The following SLC8A2 variants were observed in gnomAD, a reference collection of about 807,000 sequenced individuals.
SLC8A2 encodes the protein solute carrier family 8 member A2.
SLC8A2 carries 14 observed loss-of-function variants against 70.2 expected under a neutral mutation model. That is an observed-to-expected ratio of 0.20 (90% CI 0.13 to 0.31). The LOEUF (loss-of-function observed/expected upper bound fraction) is 0.31. Among genes scored for constraint, SLC8A2 ranks in the 10% least tolerant of loss-of-function variants. The pLI is 1.00. For missense variants in SLC8A2, 779 were observed against 1,320.1 expected (o/e 0.59, Z 6.35); for synonymous variants, 575 against 594.3 (o/e 0.97, Z 0.47).
Position 47,432,063 on chromosome 19 carries a change from A to G in SLC8A2, c.2389+104T>C, listed in dbSNP as rs1232452952. 4 of 1,122,780 alleles carry G rather than the reference A, an allele frequency of 3.6e-6. No homozygotes were observed. The highest frequency in any genetic ancestry group is 2.5e-5 in the East Asian group (1 of 39,380). 69.6% of individuals were successfully genotyped at this position (1,122,780 alleles called of 1,614,324 possible). ...TCCGTATTTCTCTGAGACCCACCAC[A>G]TGGGCGCTGTGTGACTCCACCCACC... is the stretch of plus-strand genomic sequence containing the variant. On this transcript the variant is annotated intron_variant, in intron 9 of 9. Coordinates refer to ENST00000236877, the MANE Select transcript of SLC8A2 (RefSeq NM_015063.3). The surrounding 1 kb of genome is among the most constrained non-coding windows in gnomAD (Gnocchi z 6.2).
At position 47,457,577 on chromosome 19, in the gene SLC8A2, C is replaced by G; in HGVS notation, c.693G>C (p.Leu231=). The stretch of plus-strand genomic sequence containing the variant: ...CGCACACCGGGAAGAAGACCAGGGT[C>G]AGCAGCGCCTCCCACACCTGCGGGC... ...PGVVQVWEAL[L]TLVFFPVCVV... Residue 231 remains leucine, a synonymous_variant, in exon 3 of 10, where the codon CTG becomes CTC. Transcript: ENST00000236877. The G allele has an allele frequency of 3.8e-6, 6 of 1,567,958 alleles. No individual in the cohort carries two copies. The highest frequency in any genetic ancestry group is 5.2e-6 in the Non-Finnish European group (6 of 1,157,170).
At chr19:47,456,071 G>T (rs1461421492) in intron 3 of SLC8A2, among the ~76,000 whole-genome samples, 1 of 152,178 alleles carries the variant, frequency 6.6e-6, no homozygotes, top group Non-Finnish European at 1.5e-5. Flanking sequence ...TGTTCCCATG[G>T]TACACCCATT....
intron 7 of SLC8A2, 142 bp downstream of exon 7, chr19:47,437,707 G>A (rs1385722162): frequency 1.0e-5 from 12 of 1,171,226 alleles, no homozygotes; most frequent in Non-Finnish European, 1.5e-5. Flanking sequence ...CAAGGAAAAG[G>A]GAGGCATGTG....
chr19:47,444,195 G>A (rs955556722), intron 4 of SLC8A2, among the ~76,000 whole-genome samples: 2 of 151,996 alleles, frequency 1.3e-5, no homozygotes, highest in East Asian at 1.9e-4. Context: ...CACCTGGCCC[G>A]CCCTTCTTTA....
At position 47,432,509 on chromosome 19, in the gene SLC8A2, A is replaced by C; in HGVS notation, c.2111-64T>G. On this transcript the variant is annotated intron_variant, in intron 8 of 9. Transcript: ENST00000236877. This position sits in a 1 kb window ranked among gnomAD's most constrained non-coding sequence, Gnocchi z 6.2. Reference sequence around the variant, plus strand: ...TTCCTTCCTTGCCTACAGAGGCCCCATTTTGTCTAACTTCCTGACAGCAAG... The same window carrying C: ...TTCCTTCCTTGCCTACAGAGGCCCCCTTTTGTCTAACTTCCTGACAGCAAG... 1 of 1,472,280 alleles carries C rather than the reference A, an allele frequency of 6.8e-7. No homozygotes were observed. Among genetic ancestry groups the C allele is most frequent in the Non-Finnish European group, 9.1e-7 (1 of 1,104,010 alleles). The allele number at this position is 1,472,280 out of a possible 1,614,324, so 91.2% of individuals were successfully genotyped here.
At position 47,429,869 on chromosome 19, in the gene SLC8A2, A is replaced by C; in HGVS notation, c.*220T>G. On this transcript the variant is annotated 3_prime_UTR_variant, in exon 10 of 10. Coordinates refer to ENST00000236877, the MANE Select transcript of SLC8A2 (RefSeq NM_015063.3). ...GATGGGCTGGAGTTGGGGTCACCGC[A>C]GGGGAGGAACCGGGGAGGCTCCCGA... The C allele has an allele frequency of 8.4e-6, 5 of 594,582 alleles. No individual in the cohort carries two copies. Among genetic ancestry groups the C allele is most frequent in the Non-Finnish European group, 1.5e-5 (5 of 337,458 alleles). 36.8% of individuals were successfully genotyped at this position (594,582 alleles called of 1,614,324 possible).
At chr19:47,439,099 C>T (rs921692796) in intron 6 of SLC8A2, among the ~76,000 whole-genome samples, 2 of 152,076 alleles carry the variant, frequency 1.3e-5, no homozygotes, top group Admixed American at 6.6e-5. Flanking sequence ...ATGTGAGCCT[C>T]GAAACTCTCT....
chr19:47,432,526 G>T lies in SLC8A2; in HGVS notation c.2111-81C>A. 1.5e-6 allele frequency: 2 copies of T among 1,374,566 alleles called. No individual in the cohort carries two copies. Among genetic ancestry groups the T allele is most frequent in the South Asian group, 1.4e-5 (1 of 72,100 alleles). 85.1% of individuals were successfully genotyped at this position (1,374,566 alleles called of 1,614,324 possible). ...GAGGCCCCATTTTGTCTAACTTCCTGACAGCAAGTCCCATTGAATGAACTT... is the reference window on the plus strand; with the variant it reads ...GAGGCCCCATTTTGTCTAACTTCCTTACAGCAAGTCCCATTGAATGAACTT... On this transcript the variant is annotated intron_variant, in intron 8 of 9. Transcript: ENST00000236877. This position sits in a 1 kb window ranked among gnomAD's most constrained non-coding sequence, Gnocchi z 6.2.
rs907515428 is a variant in SLC8A2 at position 47,465,084 on chromosome 19, T to C, written c.675+645A>G. On this transcript the variant is annotated intron_variant, in intron 2 of 9. Coordinates refer to ENST00000236877, the MANE Select transcript of SLC8A2 (RefSeq NM_015063.3). The surrounding 1 kb of genome is among the most constrained non-coding windows in gnomAD (Gnocchi z 5.5). ...TTATCCCAACATCAGAAATTGATGA[T>C]GAATAATGAATGAATTATGCAAACC... Among the ~76,000 whole-genome samples the C allele has an allele frequency of 2.0e-5, 3 of 152,142 alleles. No individual in the cohort carries two copies. The highest frequency in any genetic ancestry group is 6.5e-5 in the Admixed American group (1 of 15,272).
At chr19:47,458,826 C>T (rs1328339750) in intron 2 of SLC8A2, among the ~76,000 whole-genome samples, 1 of 149,966 alleles carries the variant, frequency 6.7e-6, no homozygotes, top group African/African-American at 2.5e-5. Context: ...CCGTTTCTCT[C>T]TCTCCTTTCC....
intron 2 of SLC8A2, among the ~76,000 whole-genome samples, chr19:47,461,057 GCAGGCGCCTGTAATCC>G (rs1179023673): frequency 6.6e-6 from 1 of 151,954 alleles, no homozygotes; most frequent in Non-Finnish European, 1.5e-5. Context: ...GGGCGTGGTG[GCAGGCGCCTGTAATCC>G]CAGCTACTTG....
chr19:47,452,048 CGTTGA>C (rs1967240949), intron 3 of SLC8A2, among the ~76,000 whole-genome samples: 2 of 152,128 alleles, frequency 1.3e-5, no homozygotes, highest in South Asian at 4.2e-4. Context: ...ACTCAATTGA[CGTTGA>C]GTTAACAGTA....
chr19:47,442,272 C>A (rs968540540), intron 4 of SLC8A2, among the ~76,000 whole-genome samples: 8 of 152,280 alleles, frequency 5.3e-5, no homozygotes, highest in South Asian at 2.1e-4. Context: ...CATGCTTCAG[C>A]CTCACCGCCC....
chr19:47,454,948 G>A (rs945837762), intron 3 of SLC8A2, among the ~76,000 whole-genome samples: 7 of 152,086 alleles, frequency 4.6e-5, no homozygotes, highest in Admixed American at 3.3e-4. Context: ...TTAGCTGGGT[G>A]TGGTGGTGGG....
chr19:47,457,407 C>T lies in SLC8A2; in HGVS notation c.863G>A (p.Gly288Asp). ...KSIELDGTFV[G>D]AEAPGELGGL... ...GCCCAGCTCACCTGGGGCCTCGGCG[C>T]CCACGAACGTGCCGTCCAGCTCGAT... is the stretch of plus-strand genomic sequence containing the variant. Residue 288 changes from glycine to aspartate, a missense_variant, in exon 3 of 10, where the codon GGC becomes GAC. Coordinates refer to ENST00000236877, the MANE Select transcript of SLC8A2 (RefSeq NM_015063.3). The T allele has an allele frequency of 6.3e-7, 1 of 1,577,008 alleles. No individual in the cohort carries two copies. The highest frequency in any genetic ancestry group is 8.6e-7 in the Non-Finnish European group (1 of 1,164,192).
At chr19:47,450,618 A>T (rs955330745) in intron 3 of SLC8A2, among the ~76,000 whole-genome samples, 1 of 152,128 alleles carries the variant, frequency 6.6e-6, no homozygotes, top group African/African-American at 2.4e-5. Context: ...GGGGCATAGA[A>T]CCTGGTGAAA....
intron 4 of SLC8A2, among the ~76,000 whole-genome samples, chr19:47,443,365 AC>A (rs143203094): frequency 0.031 from 4,735 of 152,188 alleles, 102 homozygotes; most frequent in Middle Eastern, 0.085. Flanking sequence ...GACCCCAAAG[AC>A]CCACAAACCC....
At chr19:47,436,352 C>T (rs1357327204) in intron 8 of SLC8A2, among the ~76,000 whole-genome samples, 1 of 152,176 alleles carries the variant, frequency 6.6e-6, no homozygotes, top group African/African-American at 2.4e-5. Flanking sequence ...GCTGTAAGCT[C>T]CATGACAGGG....
Position 47,466,223 on chromosome 19 carries a change from C to T in SLC8A2, c.181G>A (p.Asp61Asn), listed in dbSNP as rs764308545. ...GCCTTGTCACCCAGCGACGGGTCGTCGGGCTCCCACACGGGCAGCAGCACC... is the reference window on the plus strand; with the variant it reads ...GCCTTGTCACCCAGCGACGGGTCGTTGGGCTCCCACACGGGCAGCAGCACC... ...PGVLLPVWEP[D>N]DPSLGDKAAR... Residue 61 changes from aspartate to asparagine, a missense_variant, in exon 2 of 10, where the codon GAC (aspartate) becomes AAC (asparagine). Transcript: ENST00000236877. The surrounding 1 kb of genome is among the most constrained non-coding windows in gnomAD (Gnocchi z 6.9). 14 of 1,608,800 alleles carry T rather than the reference C, an allele frequency of 8.7e-6. No individual in the cohort carries two copies. The highest frequency in any genetic ancestry group is 1.7e-5 in the Admixed American group (1 of 59,868).
Sources: gnomAD v4.1 joint callset for allele counts (sites outside exome capture counted in the v4.1 genomes callset) on GRCh38, gnomAD v4.1.1 for gene constraint, Gnocchi (gnomAD v3.1) non-coding constraint, MANE v1.5 for transcripts, NCBI Gene and HGNC (gene_info 2026-07-23, HGNC 2026-07-21) for gene names.